Variants in ENAH observed in about 807,000 individuals in gnomAD.
The protein encoded by ENAH is ENAH actin regulator.
In ENAH, 23 loss-of-function variants were observed where a neutral mutation model predicts 78.7. That is an observed-to-expected ratio of 0.29 (90% CI 0.21 to 0.41). The LOEUF (loss-of-function observed/expected upper bound fraction) is 0.41, where lower values mean the gene tolerates loss of function less well. ENAH is among the 10% of genes least tolerant of loss of function. The pLI, the probability that ENAH is intolerant of heterozygous loss-of-function variation, is 1.00. For missense variants in ENAH, 544 were observed against 691.0 expected (o/e 0.79, Z 2.39); for synonymous variants, 226 against 241.0 (o/e 0.94, Z 0.58).
chr1:225,511,736 G>A, intron 10 of ENAH, 75 bp downstream of exon 10: 1 of 1,067,622 alleles, frequency 9.4e-7, no homozygotes, highest in Non-Finnish European at 1.4e-6. Flanking sequence ...TATGGGGAAA[G>A]GGGGAATTTT....
At chr1:225,588,453 A>G (rs2096858122) in intron 1 of ENAH, among the ~76,000 whole-genome samples, 1 of 152,224 alleles carries the variant, frequency 6.6e-6, no homozygotes. Context: ...TGGCTAAAAC[A>G]TGGTTTAACC....
At chr1:225,621,690 C>T (rs2148262560) in intron 1 of ENAH, among the ~76,000 whole-genome samples, 1 of 152,138 alleles carries the variant, frequency 6.6e-6, no homozygotes, top group East Asian at 1.9e-4. Flanking sequence ...TTTTGTTAAC[C>T]GCACACATCA....
At position 225,490,732 on chromosome 1, in the gene ENAH, C is replaced by T. The variant is rs1276843630; in HGVS notation, c.*7043G>A. The T allele has an allele frequency of 6.6e-6, 1 of 152,202 alleles. No individual in the cohort carries two copies. Among genetic ancestry groups the T allele is most frequent in the Non-Finnish European group, 1.5e-5 (1 of 68,032 alleles). 9.4% of individuals were successfully genotyped at this position (152,202 alleles called of 1,614,324 possible). A position where few individuals can be genotyped will look rare whatever the true frequency, so the allele number is the denominator to read the frequency against. On this transcript the variant is annotated 3_prime_UTR_variant, in exon 14 of 14. Coordinates refer to ENST00000366843, the MANE Select transcript of ENAH (RefSeq NM_018212.6). ...CTAGATTTTAACAGGGCTTTCTTCT[C>T]AATATCTAAGCCTTCCCAATTACTT...
At chr1:225,524,751 C>T (rs906253202) in intron 4 of ENAH, 12 of 692,732 alleles carry the variant, frequency 1.7e-5, no homozygotes, top group South Asian at 6.5e-5. Flanking sequence ...TGGTGATTTG[C>T]GAACTATTTA....
chr1:225,529,315 C>A (rs1183034802), intron 4 of ENAH, among the ~76,000 whole-genome samples: 1 of 152,188 alleles, frequency 6.6e-6, no homozygotes, highest in East Asian at 1.9e-4. Flanking sequence ...ACACAAGCAT[C>A]ATCCTTCCTT....
chr1:225,617,317 T>C (rs779464775), intron 1 of ENAH, among the ~76,000 whole-genome samples: 1 of 152,122 alleles, frequency 6.6e-6, no homozygotes, highest in Non-Finnish European at 1.5e-5. Context: ...AATAAGCAAA[T>C]ATGTAAGTGT....
intron 11 of ENAH, among the ~76,000 whole-genome samples, chr1:225,503,390 A>C (rs1386531421): frequency 6.6e-6 from 1 of 151,994 alleles, no homozygotes; most frequent in South Asian, 2.1e-4. Context: ...CCTGGCCTCA[A>C]GTCTTCTTCC....
chr1:225,530,738 C>T, intron 3 of ENAH, 100 bp from the exon 4 acceptor site: 1 of 915,184 alleles, frequency 1.1e-6, no homozygotes, highest in South Asian at 1.6e-5. Context: ...CACATATTTA[C>T]AAACGTGTCT....
chr1:225,614,992 C>G (rs556249668), intron 1 of ENAH, among the ~76,000 whole-genome samples: 108 of 151,858 alleles, frequency 7.1e-4, no homozygotes, highest in African/African-American at 2.5e-3. Context: ...TCCCTCTCCC[C>G]GGTCTCCCTC....
intron 1 of ENAH, among the ~76,000 whole-genome samples, chr1:225,592,983 G>A (rs1382491391): frequency 1.3e-5 from 2 of 151,950 alleles, no homozygotes; most frequent in South Asian, 2.1e-4. Flanking sequence ...TGAGGAATAC[G>A]GCCCCTAAAC....
chr1:225,511,490 C>T (rs1159485048), intron 10 of ENAH, among the ~76,000 whole-genome samples: 1 of 152,170 alleles, frequency 6.6e-6, no homozygotes, highest in East Asian at 1.9e-4. Flanking sequence ...ACATCCTTCT[C>T]AATTTGAGAA....
intron 1 of ENAH, among the ~76,000 whole-genome samples, chr1:225,581,609 A>T (rs1310628582): frequency 2.6e-5 from 4 of 152,222 alleles, no homozygotes; most frequent in African/African-American, 9.6e-5. Context: ...AAATGTAAGC[A>T]GGGAGGGTTC....
intron 3 of ENAH, among the ~76,000 whole-genome samples, chr1:225,546,099 A>T (rs1328911247): frequency 6.6e-6 from 1 of 151,378 alleles, no homozygotes; most frequent in African/African-American, 2.4e-5. Flanking sequence ...AATTTTTAAT[A>T]TATGTATTTT....
chr1:225,628,111 G>C lies in ENAH; in HGVS notation c.5+24575C>G, dbSNP rs572843162. On this transcript the variant is annotated intron_variant, in intron 1 of 13. Coordinates refer to ENST00000366843, the MANE Select transcript of ENAH (RefSeq NM_018212.6). ...ATCTCAACCACGATTATAATTCTGG[G>C]TGTAATTCAGGATAGAAGCTCAGCA... is the stretch of plus-strand genomic sequence containing the variant. Among the ~76,000 whole-genome samples, 14 of 152,284 alleles carry C rather than the reference G, an allele frequency of 9.2e-5. No individual in the cohort carries two copies. The South Asian group carries it at 1.7e-3, about 18-fold the overall frequency.
At chr1:225,641,008 C>T (rs112988982) in intron 1 of ENAH, among the ~76,000 whole-genome samples, 1 of 150,170 alleles carries the variant, frequency 6.7e-6, no homozygotes. Flanking sequence ...GGACTACAGG[C>T]GCCCGCCACC....
chr1:225,532,010 A>G (rs893777319), intron 3 of ENAH, among the ~76,000 whole-genome samples: 1 of 152,138 alleles, frequency 6.6e-6, no homozygotes, highest in East Asian at 1.9e-4. Flanking sequence ...TTATAAAAAA[A>G]AATTAATCCC....
chr1:225,615,778 T>C (rs2097026817), intron 1 of ENAH, among the ~76,000 whole-genome samples: 1 of 150,902 alleles, frequency 6.6e-6, no homozygotes, highest in African/African-American at 2.4e-5. Context: ...GGCCGCCCCG[T>C]CTGAGAAGTG....
chr1:225,637,387 T>C (rs1019020989), intron 1 of ENAH, among the ~76,000 whole-genome samples: 3 of 152,150 alleles, frequency 2.0e-5, no homozygotes, highest in African/African-American at 7.2e-5. Context: ...TTTGTATTTT[T>C]AGTAGAGACG....
chr1:225,544,080 G>C (rs1331229203), intron 3 of ENAH, among the ~76,000 whole-genome samples: 1 of 152,236 alleles, frequency 6.6e-6, no homozygotes, highest in African/African-American at 2.4e-5. Context: ...TCTCATCAGA[G>C]TGGAAGTGGT....
Sources: gnomAD v4.1 joint callset for allele counts (sites outside exome capture counted in the v4.1 genomes callset) on GRCh38, gnomAD v4.1.1 for gene constraint, MANE v1.5 for transcripts, NCBI Gene and HGNC (gene_info 2026-07-23, HGNC 2026-07-21) for gene names.